Variants in STK3 observed in about 807,000 individuals in gnomAD.
STK3 encodes the protein serine/threonine kinase 3, also known as serine/threonine-protein kinase 3.
In STK3, 41 loss-of-function variants were observed where a neutral mutation model predicts 58.0. That is an observed-to-expected ratio of 0.71 (90% CI 0.55 to 0.92). STK3 has a LOEUF of 0.92. Ranked by LOEUF, STK3 falls within the 40% of genes least tolerant of loss-of-function variation. The pLI is 0.00. For synonymous variants in STK3, 170 were observed against 191.0 expected (o/e 0.89, Z 0.91); for missense variants, 479 against 602.7 (o/e 0.79, Z 2.15).
chr8:98,828,210 G>A (rs569364629), upstream of STK3, among the ~76,000 whole-genome samples: 239 of 151,602 alleles, frequency 1.6e-3, no homozygotes, highest in Middle Eastern at 3.4e-3. Context: ...TCGTGACCTC[G>A]GGCAATCCAC....
chr8:98,661,409 C>T (rs931272526), intron 6 of STK3, among the ~76,000 whole-genome samples: 2 of 152,022 alleles, frequency 1.3e-5, no homozygotes, highest in Non-Finnish European at 2.9e-5. Flanking sequence ...TGGGACCTGT[C>T]CCTTTTTCTC....
intron 8 of STK3, among the ~76,000 whole-genome samples, chr8:98,568,324 T>G (rs1472049000): frequency 1.3e-5 from 2 of 152,020 alleles, no homozygotes; most frequent in Non-Finnish European, 2.9e-5. Context: ...ATATGGGAGA[T>G]GTCAAAAATG....
chr8:98,578,985 TATTAAAA>T (rs1369255891), intron 8 of STK3, among the ~76,000 whole-genome samples: 1 of 152,070 alleles, frequency 6.6e-6, no homozygotes, highest in Admixed American at 6.6e-5. Flanking sequence ...ACCCCATCTC[TATTAAAA>T]ATACAAAAAT....
chr8:98,433,675 C>A (rs1818384805), intron 3 of STK3, among the ~76,000 whole-genome samples: 2 of 152,204 alleles, frequency 1.3e-5, no homozygotes, highest in African/African-American at 4.8e-5. Context: ...TCTATGTCCT[C>A]ATTCTAGCCA....
intron 4 of STK3, among the ~76,000 whole-genome samples, chr8:98,716,033 CA>C (rs531174646): frequency 6.7e-6 from 1 of 148,334 alleles, no homozygotes; most frequent in Admixed American, 6.7e-5. Flanking sequence ...ATTGCAAGGA[CA>C]AAAAAAAACA....
chr8:98,403,420 A>G (rs752185381), intron 3 of STK3, among the ~76,000 whole-genome samples: 24 of 152,294 alleles, frequency 1.6e-4, no homozygotes, highest in Non-Finnish European at 2.8e-4. Context: ...CCAGCAGGGG[A>G]GCAGGTAAGG....
chr8:98,654,788 G>A (rs1197396830), intron 6 of STK3, among the ~76,000 whole-genome samples: 5 of 152,062 alleles, frequency 3.3e-5, no homozygotes, highest in African/African-American at 1.2e-4. Flanking sequence ...GGACGTGAAG[G>A]ACCTCTTCAA....
At chr8:98,517,272 G>C (rs1472843966) in intron 10 of STK3, among the ~76,000 whole-genome samples, 1 of 151,972 alleles carries the variant, frequency 6.6e-6, no homozygotes, top group Non-Finnish European at 1.5e-5. Context: ...CTTTGGTTTT[G>C]AATCAAGACA....
chr8:98,819,924 T>A (rs1245868956), intron 1 of STK3, among the ~76,000 whole-genome samples: 1 of 152,188 alleles, frequency 6.6e-6, no homozygotes, highest in African/African-American at 2.4e-5. Flanking sequence ...CTTCCATTCA[T>A]AAGCGCTGAG....
chr8:98,456,059 T>C (rs1409032691), intron 10 of STK3, 59 bp from the exon 11 acceptor site: 2 of 1,469,468 alleles, frequency 1.4e-6, no homozygotes, highest in East Asian at 2.4e-5. Context: ...CCACAATCAA[T>C]ACAATGAAAT....
chr8:98,700,268 C>A (rs1446466283), intron 6 of STK3, among the ~76,000 whole-genome samples: 2 of 152,216 alleles, frequency 1.3e-5, no homozygotes, highest in Non-Finnish European at 2.9e-5. Flanking sequence ...TGCCGTCTGT[C>A]ACCCCTTTCT....
At chr8:98,871,522 G>T (rs1273505123) in intron 3 of STK3, among the ~76,000 whole-genome samples, 1 of 152,142 alleles carries the variant, frequency 6.6e-6, no homozygotes, top group African/African-American at 2.4e-5. Context: ...ATTTCATTGA[G>T]CAGTGGTTTG....
At chr8:98,359,650 A>G in the STK3 span, among the ~76,000 whole-genome samples, 3 of 152,174 alleles carry the variant, frequency 2.0e-5, no homozygotes, top group African/African-American at 7.2e-5. Context: ...CCTACCTCTG[A>G]TCTTGACTTC....
At position 98,428,827 on chromosome 8, in the gene STK3, GCA is replaced by G; in HGVS notation, n.483+5298_483+5299del. The G allele has an allele frequency of 6.2e-7, 1 of 1,614,150 alleles. No homozygotes were observed. Among genetic ancestry groups the G allele is most frequent in the Non-Finnish European group, 8.5e-7 (1 of 1,180,028 alleles). On this transcript the variant is annotated intron_variant and non_coding_transcript_variant, in intron 3 of 3. Coordinates refer to the STK3 transcript ENST00000517832. The surrounding 1 kb of genome is among the most constrained non-coding windows in gnomAD (Gnocchi z 6.7). ...CTGGTGGTGAACCTGGTGGTGGAGA[GCA>G]CACCTACTTTAGCCAACTTGGGCAG...
intron 4 of STK3, among the ~76,000 whole-genome samples, chr8:98,726,271 C>G (rs1182183827): frequency 6.6e-6 from 1 of 152,150 alleles, no homozygotes; most frequent in Non-Finnish European, 1.5e-5. Context: ...CCTTTGTAAA[C>G]TTAATTTACT....
chr8:98,577,666 C>G (rs541830444), intron 8 of STK3, among the ~76,000 whole-genome samples: 5 of 152,110 alleles, frequency 3.3e-5, no homozygotes, highest in African/African-American at 9.7e-5. Flanking sequence ...CTTGTCAAGC[C>G]TTCAGATGAC....
intron 7 of STK3, among the ~76,000 whole-genome samples, chr8:98,592,220 G>A (rs1815374826): frequency 6.6e-6 from 1 of 152,142 alleles, no homozygotes; most frequent in African/African-American, 2.4e-5. Flanking sequence ...TTGCTTCACT[G>A]TTGTCTGTAT....
intron 9 of STK3, among the ~76,000 whole-genome samples, chr8:98,534,869 A>G (rs1481429064): frequency 1.3e-5 from 2 of 152,224 alleles, no homozygotes. Flanking sequence ...CAACTTACAC[A>G]TATTTTTTAT....
intron 3 of STK3, among the ~76,000 whole-genome samples, chr8:98,861,174 A>G (rs1350745441): frequency 6.6e-6 from 1 of 152,102 alleles, no homozygotes; most frequent in East Asian, 1.9e-4. Context: ...CAGGGGCTGC[A>G]AGGCTAAGCT....
Sources: gnomAD v4.1 joint callset for allele counts (sites outside exome capture counted in the v4.1 genomes callset) on GRCh38, gnomAD v4.1.1 for gene constraint, Gnocchi (gnomAD v3.1) non-coding constraint, MANE v1.5 for transcripts, NCBI Gene and HGNC (gene_info 2026-07-23, HGNC 2026-07-21) for gene names.